The following EYS variants were observed in gnomAD, a reference collection of about 807,000 sequenced individuals.
EYS encodes protein eyes shut homolog.
EYS carries 250 observed loss-of-function variants against 282.1 expected under a neutral mutation model. The observed-to-expected ratio is 0.89, with a 90% confidence interval of 0.80 to 0.98. EYS has a LOEUF of 0.98. EYS is among the 50% of genes least tolerant of loss of function. The pLI is 0.00. For synonymous variants in EYS, 1,355 were observed against 1,282.9 expected (o/e 1.06, Z -1.20); for missense variants, 4,016 against 3,709.0 (o/e 1.08, Z -2.15).
intron 12 of EYS, among the ~76,000 whole-genome samples, chr6:65,074,720 G>A (rs1417911317): frequency 6.6e-6 from 1 of 151,892 alleles, no homozygotes; most frequent in East Asian, 1.9e-4. Context: ...GCTTTGTGGG[G>A]CCAAGTAACA....
chr6:64,060,103 T>C (rs1771114240), intron 33 of EYS, among the ~76,000 whole-genome samples: 1 of 152,178 alleles, frequency 6.6e-6, no homozygotes, highest in South Asian at 2.1e-4. Flanking sequence ...AAAGTCACCA[T>C]CTGTTTCAAG....
chr6:64,699,448 A>T (rs952044979), intron 22 of EYS, among the ~76,000 whole-genome samples: 1 of 152,118 alleles, frequency 6.6e-6, no homozygotes, highest in Non-Finnish European at 1.5e-5. Context: ...TATGTAACAA[A>T]CATTCATATG....
intron 26 of EYS, among the ~76,000 whole-genome samples, chr6:64,548,997 A>C (rs551318123): frequency 5.9e-5 from 9 of 152,106 alleles, no homozygotes; most frequent in African/African-American, 1.9e-4. Flanking sequence ...TATGATCATT[A>C]CTCTACAAGC....
chr6:64,817,868 T>C (rs1396530059), intron 21 of EYS, among the ~76,000 whole-genome samples: 2 of 152,184 alleles, frequency 1.3e-5, no homozygotes, highest in African/African-American at 4.8e-5. Flanking sequence ...CCTGTGTTGA[T>C]TCCATGTCTT....
At chr6:64,817,031 T>A (rs1764758417) in intron 21 of EYS, among the ~76,000 whole-genome samples, 1 of 151,814 alleles carries the variant, frequency 6.6e-6, no homozygotes, top group South Asian at 2.1e-4. Context: ...AGCAAGGTAC[T>A]CTGTGTGTGT....
chr6:64,911,921 T>C (rs541882768), intron 16 of EYS, among the ~76,000 whole-genome samples: 1 of 152,118 alleles, frequency 6.6e-6, no homozygotes, highest in Admixed American at 6.6e-5. Flanking sequence ...AAGCCAGAAA[T>C]ATCCTGGCTT....
At chr6:64,159,950 A>G (rs1775054173) in intron 31 of EYS, among the ~76,000 whole-genome samples, 1 of 152,234 alleles carries the variant, frequency 6.6e-6, no homozygotes, top group Non-Finnish European at 1.5e-5. Context: ...TCTGACCAAA[A>G]AAAGTATATA....
At chr6:64,890,116 A>G (rs1005770343) in intron 18 of EYS, among the ~76,000 whole-genome samples, 2 of 149,028 alleles carry the variant, frequency 1.3e-5, no homozygotes, top group Non-Finnish European at 3.0e-5. Context: ...CCAGTCTCCC[A>G]TAGCGCTCCC....
At chr6:64,787,741 A>G (rs942421874) in intron 22 of EYS, among the ~76,000 whole-genome samples, 3 of 149,444 alleles carry the variant, frequency 2.0e-5, no homozygotes, top group East Asian at 3.9e-4. Flanking sequence ...TAATATATAT[A>G]TCAGTATAAA....
chr6:65,618,177 A>C (rs1766293341), intron 2 of EYS, among the ~76,000 whole-genome samples: 2 of 152,142 alleles, frequency 1.3e-5, no homozygotes. Flanking sequence ...CAACAGTGTA[A>C]AAGTGTTCCT....
At chr6:65,480,893 G>A (rs1765583446) in intron 5 of EYS, among the ~76,000 whole-genome samples, 1 of 152,128 alleles carries the variant, frequency 6.6e-6, no homozygotes, top group South Asian at 2.1e-4. Context: ...ACTCATATGG[G>A]AGAACTAAAT....
chr6:65,263,514 A>G (rs558628614), intron 12 of EYS, among the ~76,000 whole-genome samples: 1 of 152,244 alleles, frequency 6.6e-6, no homozygotes, highest in African/African-American at 2.4e-5. Flanking sequence ...AATAAAAACT[A>G]AAAATTAAAA....
chr6:64,177,843 T>A (rs1352537211), intron 31 of EYS, among the ~76,000 whole-genome samples: 1 of 152,170 alleles, frequency 6.6e-6, no homozygotes, highest in East Asian at 1.9e-4. Flanking sequence ...ATTGTCTATG[T>A]TTTATCTGTC....
intron 22 of EYS, among the ~76,000 whole-genome samples, chr6:64,700,762 A>T (rs1770757261): frequency 1.3e-5 from 2 of 152,032 alleles, no homozygotes; most frequent in Admixed American, 1.3e-4. Flanking sequence ...ATGATCATGG[A>T]TTGCAAAAGT....
At chr6:65,342,542 A>G (rs1393970596) in intron 10 of EYS, among the ~76,000 whole-genome samples, 1 of 150,630 alleles carries the variant, frequency 6.6e-6, no homozygotes, top group East Asian at 2.0e-4. Flanking sequence ...AATTAATCAA[A>G]TTAATCAAAT....
At position 65,162,479 on chromosome 6, in the gene EYS, G is replaced by A. The variant is rs146223676; in HGVS notation, c.2024-104752C>T. Among the ~76,000 whole-genome samples the A allele has an allele frequency of 3.8e-4, 57 of 151,240 alleles. No individual in the cohort carries two copies. The East Asian group carries it at 0.01, about 27-fold the overall frequency. On this transcript the variant is annotated intron_variant, in intron 12 of 42. Coordinates refer to ENST00000503581, the MANE Select transcript of EYS (RefSeq NM_001142800.2). Reference sequence around the variant, plus strand: ...AGTCATCAGCTTTAGGCCTGTGACTGTAAGTCTACATTTTGATATTTTAAT... The same window carrying A: ...AGTCATCAGCTTTAGGCCTGTGACTATAAGTCTACATTTTGATATTTTAAT...
At chr6:64,296,598 A>ATATTTT (rs1561913902) in intron 30 of EYS, among the ~76,000 whole-genome samples, 3 of 20,130 alleles carry the variant, frequency 1.5e-4, no homozygotes, top group African/African-American at 3.2e-4. Flanking sequence ...ATATATATAT[A>ATATTTT]TTTTTTTTTT....
At chr6:64,603,358 C>T (rs896652962) in intron 24 of EYS, among the ~76,000 whole-genome samples, 2 of 151,812 alleles carry the variant, frequency 1.3e-5, no homozygotes, top group Non-Finnish European at 2.9e-5. Context: ...TTTTGTTTCC[C>T]TGAGACTGAT....
In EYS at chr6:63,922,191, A is replaced by G. The variant is rs1191237579; in HGVS notation, c.7056-57833T>C. 2.6e-5 allele frequency among the ~76,000 whole-genome samples: 4 copies of G among 152,332 alleles called. No homozygotes were observed. The East Asian group carries it at 5.8e-4, about 22-fold the overall frequency. On this transcript the variant is annotated intron_variant, in intron 35 of 42. Transcript: ENST00000503581. ...ATTCATTGTTTAAATCACTCCATCT[A>G]TGGTATTTTTGTTATGGTAACTCAA... is the stretch of plus-strand genomic sequence containing the variant.
Sources: allele counts gnomAD v4.1 joint callset (sites outside exome capture counted in the v4.1 genomes callset), GRCh38; gene constraint gnomAD v4.1.1; transcripts MANE v1.5; gene names NCBI Gene and HGNC (gene_info 2026-07-23, HGNC 2026-07-21).